Variants in ARHGEF38 observed in about 807,000 individuals in gnomAD.
ARHGEF38 encodes Rho guanine nucleotide exchange factor 38.
A neutral mutation model predicts 79.9 loss-of-function variants in ARHGEF38; 79 were observed. The ratio of observed to expected loss-of-function variants is 0.99; its 90% CI spans 0.82 to 1.19. The LOEUF is 1.19. Ranked by LOEUF, ARHGEF38 falls within the 50% of genes most tolerant of loss-of-function variation. The pLI is 0.00. For missense variants in ARHGEF38, 962 were observed against 907.2 expected (o/e 1.06, Z -0.78); for synonymous variants, 366 against 328.3 (o/e 1.11, Z -1.24).
At chr4:105,610,819 A>T (rs968167725) in intron 2 of ARHGEF38, among the ~76,000 whole-genome samples, 3 of 152,096 alleles carry the variant, frequency 2.0e-5, no homozygotes, top group African/African-American at 7.2e-5. Flanking sequence ...GTAGAATTAG[A>T]TCCTTGCCAA....
intron 3 of ARHGEF38, among the ~76,000 whole-genome samples, chr4:105,625,629 C>T (rs1232731868): frequency 2.0e-5 from 3 of 152,178 alleles, no homozygotes; most frequent in African/African-American, 7.2e-5. Flanking sequence ...AAGGCTGAGC[C>T]AGCTGCCTCT....
chr4:105,560,216 C>G (rs1047030869), intron 1 of ARHGEF38, among the ~76,000 whole-genome samples: 1 of 152,298 alleles, frequency 6.6e-6, no homozygotes, highest in Non-Finnish European at 1.5e-5. Context: ...CAGACTGTCA[C>G]TGTTTAATAA....
intron 1 of ARHGEF38, among the ~76,000 whole-genome samples, chr4:105,558,923 C>A (rs1367665175): frequency 6.7e-6 from 1 of 149,818 alleles, no homozygotes; most frequent in Non-Finnish European, 1.5e-5. Flanking sequence ...GAGAGACAGA[C>A]AGAAACCAAG....
rs17035831 is a variant in ARHGEF38 at position 105,568,813 on chromosome 4, T to C, written c.196+15852T>C. Among the ~76,000 whole-genome samples the C allele has an allele frequency of 8.7e-3, 1,331 of 152,326 alleles. 21 individuals are homozygous for C. The highest frequency in any genetic ancestry group is 0.03 in the African/African-American group (1,256 of 41,574). On this transcript the variant is annotated intron_variant, in intron 1 of 13. Coordinates refer to ENST00000420470, the MANE Select transcript of ARHGEF38 (RefSeq NM_001242729.2). ...TTCCAACATTCTTGAAGTATGTCTTTGTTAGCAGCATGAGAACAAACGAAT... is the reference window on the plus strand; with the variant it reads ...TTCCAACATTCTTGAAGTATGTCTTCGTTAGCAGCATGAGAACAAACGAAT...
At chr4:105,604,664 T>C (rs1727964678) in intron 2 of ARHGEF38, among the ~76,000 whole-genome samples, 1 of 152,122 alleles carries the variant, frequency 6.6e-6, no homozygotes. Context: ...GCCTAAAGGA[T>C]ATGGATGCTT....
rs558404927 is a variant in ARHGEF38, at chr4:105,585,467, T to C, written c.197-3781T>C. Among the ~76,000 whole-genome samples, 24 of 145,284 alleles carry C rather than the reference T, an allele frequency of 1.7e-4. 1 individual carries two copies. In the East Asian group the frequency reaches 5.2e-3, roughly 32 times the overall value. On this transcript the variant is annotated intron_variant, in intron 1 of 13. Transcript: ENST00000420470. ...CAGGAATCTCCACATATATTATTAA[T>C]GAATTTTGTGGCTAGAATAGTAAAA... is the stretch of plus-strand genomic sequence containing the variant.
intron 3 of ARHGEF38, among the ~76,000 whole-genome samples, chr4:105,617,091 G>A (rs935914088): frequency 3.9e-5 from 6 of 152,128 alleles, no homozygotes; most frequent in Middle Eastern, 3.2e-3. Context: ...CAGATGAATC[G>A]AATAATAGTT....
chr4:105,562,814 T>C (rs921251759), intron 1 of ARHGEF38, among the ~76,000 whole-genome samples: 2 of 152,038 alleles, frequency 1.3e-5, no homozygotes, highest in African/African-American at 4.8e-5. Flanking sequence ...TGGAGGGGAA[T>C]TATTAGGCAA....
At chr4:105,561,493 T>TGG (rs1560684732) in intron 1 of ARHGEF38, 11 of 140,910 alleles carry the variant, frequency 7.8e-5, no homozygotes, top group African/African-American at 2.4e-4. Context: ...TAGAATAGAA[T>TGG]AGAATAGAAT....
At chr4:105,591,563 A>T (rs1011297188) in intron 2 of ARHGEF38, among the ~76,000 whole-genome samples, 5 of 152,136 alleles carry the variant, frequency 3.3e-5, no homozygotes, top group African/African-American at 9.7e-5. Flanking sequence ...TCTGGCCTAC[A>T]TATTAGGGAA....
chr4:105,630,577 C>A (rs551842089), intron 3 of ARHGEF38, among the ~76,000 whole-genome samples: 1 of 152,288 alleles, frequency 6.6e-6, no homozygotes, highest in South Asian at 2.1e-4. Context: ...TGCACATCAA[C>A]CTTGTGTGTA....
rs189590694 is a variant in ARHGEF38, at chr4:105,610,337, T to A, written c.385-3047T>A. On this transcript the variant is annotated intron_variant, in intron 2 of 13. Transcript: ENST00000420470. The stretch of plus-strand genomic sequence containing the variant: ...GTATCCCATTTTTTTCAGAAGAAAA[T>A]TTTAAAAAAGAAACATTAGCCTTTA... Among the ~76,000 whole-genome samples the A allele has an allele frequency of 6.3e-3, 963 of 152,132 alleles. 6 individuals are homozygous for A. Among genetic ancestry groups the A allele is most frequent in the South Asian group, 0.033 (160 of 4,818 alleles).
At chr4:105,654,972 T>C (rs2110556503) in intron 8 of ARHGEF38, among the ~76,000 whole-genome samples, 1 of 152,350 alleles carries the variant, frequency 6.6e-6, no homozygotes, top group African/African-American at 2.4e-5. Context: ...CAGAATGATT[T>C]GGAGACAAGT....
At chr4:105,619,890 T>A (rs1245043194) in intron 3 of ARHGEF38, among the ~76,000 whole-genome samples, 1 of 152,200 alleles carries the variant, frequency 6.6e-6, no homozygotes, top group East Asian at 1.9e-4. Flanking sequence ...CAAAATTATG[T>A]TATCACAAAT....
At chr4:105,555,246 G>A (rs537994755) in intron 1 of ARHGEF38, among the ~76,000 whole-genome samples, 1 of 152,206 alleles carries the variant, frequency 6.6e-6, no homozygotes, top group African/African-American at 2.4e-5. Flanking sequence ...TCACCAAGAA[G>A]TATAGAGGAG....
chr4:105,623,854 C>G (rs977740665), intron 3 of ARHGEF38, among the ~76,000 whole-genome samples: 2 of 152,150 alleles, frequency 1.3e-5, no homozygotes, highest in Non-Finnish European at 2.9e-5. Flanking sequence ...CTCTCCACAG[C>G]CCACTAGCAC....
chr4:105,624,206 TC>T (rs1728852414), intron 3 of ARHGEF38, among the ~76,000 whole-genome samples: 1 of 152,194 alleles, frequency 6.6e-6, no homozygotes, highest in African/African-American at 2.4e-5. Context: ...TCTGAACTTA[TC>T]TTACGCTAGT....
At chr4:105,598,258 A>G (rs1168974222) in intron 2 of ARHGEF38, among the ~76,000 whole-genome samples, 1 of 152,202 alleles carries the variant, frequency 6.6e-6, no homozygotes, top group Non-Finnish European at 1.5e-5. Flanking sequence ...CTGTAGAGTA[A>G]GGCAGTTCCT....
At chr4:105,556,399 A>G (rs1024851955) in intron 1 of ARHGEF38, among the ~76,000 whole-genome samples, 5 of 152,158 alleles carry the variant, frequency 3.3e-5, no homozygotes, top group Admixed American at 2.0e-4. Flanking sequence ...AAGTGGCATG[A>G]TAGAAGTGGA....
Sources: gnomAD v4.1 joint callset for allele counts (sites outside exome capture counted in the v4.1 genomes callset) on GRCh38, gnomAD v4.1.1 for gene constraint, MANE v1.5 for transcripts, NCBI Gene and HGNC (gene_info 2026-07-23, HGNC 2026-07-21) for gene names.